Variants in CDH4 observed in about 807,000 individuals in gnomAD.
The protein encoded by CDH4 is cadherin 4, also known as cadherin-4.
In CDH4, 33 loss-of-function variants were observed where a neutral mutation model predicts 86.0. That is an observed-to-expected ratio of 0.38 (90% confidence interval 0.29 to 0.51). CDH4 has a LOEUF of 0.51. Among genes scored for constraint, CDH4 ranks in the 20% least tolerant of loss-of-function variants. CDH4 has a pLI of 0.86. For synonymous variants in CDH4, 555 were observed against 549.4 expected (o/e 1.01, Z -0.14); for missense variants, 1,114 against 1,307.4 (o/e 0.85, Z 2.28).
chr20:61,507,519 C>G (rs1373820587), intron 2 of CDH4, among the ~76,000 whole-genome samples: 1 of 152,120 alleles, frequency 6.6e-6, no homozygotes, highest in African/African-American at 2.4e-5. Context: ...ACCCACAGTA[C>G]AGGTGGAGTT....
intron 7 of CDH4, among the ~76,000 whole-genome samples, chr20:61,893,760 G>A (rs1257563427): frequency 7.9e-6 from 1 of 126,736 alleles, no homozygotes; most frequent in African/African-American, 3.0e-5. Flanking sequence ...TGGATGGATG[G>A]GTGAATAGAG....
At chr20:61,814,254 G>A (rs562364706) in intron 4 of CDH4, among the ~76,000 whole-genome samples, 137 of 152,316 alleles carry the variant, frequency 9.0e-4, no homozygotes, top group Non-Finnish European at 1.2e-3. Context: ...ACCTCACGCT[G>A]TGACCCTCCC....
chr20:61,316,367 G>A (rs1174610012), intron 2 of CDH4, among the ~76,000 whole-genome samples: 2 of 152,230 alleles, frequency 1.3e-5, no homozygotes, highest in African/African-American at 2.4e-5. Context: ...GACCTAAGTC[G>A]ATAAGTTGAA....
intron 2 of CDH4, among the ~76,000 whole-genome samples, chr20:61,416,187 A>G (rs998837660): frequency 6.6e-6 from 1 of 151,774 alleles, no homozygotes; most frequent in African/African-American, 2.4e-5. Flanking sequence ...TCTTTAGTAG[A>G]GACAGGGTTT....
chr20:61,269,253 A>T lies in CDH4; in HGVS notation c.169+14316A>T, dbSNP rs533450466. On this transcript the variant is annotated intron_variant, in intron 2 of 15. Transcript: ENST00000614565. This position sits in a 1 kb window ranked among gnomAD's most constrained non-coding sequence, Gnocchi z 5.3. ...TGACATAGGACAGTTTGGCACTGCCACTACCTTAGTGGCCCTGGAGGAGCC... is the reference window on the plus strand; with the variant it reads ...TGACATAGGACAGTTTGGCACTGCCTCTACCTTAGTGGCCCTGGAGGAGCC... Among the ~76,000 whole-genome samples, 3 of 152,270 alleles carry T rather than the reference A, an allele frequency of 2.0e-5. No homozygotes were observed. In the South Asian group the frequency reaches 6.2e-4, roughly 32 times the overall value.
chr20:61,518,167 G>C lies in CDH4; in HGVS notation c.170-225396G>C, dbSNP rs73917933. ...TCACTCACTGTGTCTGGGACACTAG[G>C]TGGGTGTTTATTCTGCCATCATCCC... On this transcript the variant is annotated intron_variant, in intron 2 of 15. Coordinates refer to ENST00000614565, the MANE Select transcript of CDH4 (RefSeq NM_001794.5). This position sits in a 1 kb window ranked among gnomAD's most constrained non-coding sequence, Gnocchi z 6.3. Among the ~76,000 whole-genome samples the C allele has an allele frequency of 0.025, 3,796 of 152,288 alleles. 158 individuals carry two copies. Among genetic ancestry groups the C allele is most frequent in the African/African-American group, 0.083 (3,454 of 41,544 alleles).
At chr20:61,799,832 C>T (rs977557075) in intron 4 of CDH4, among the ~76,000 whole-genome samples, 3 of 152,174 alleles carry the variant, frequency 2.0e-5, no homozygotes, top group Non-Finnish European at 2.9e-5. Context: ...CCCAAAAGGC[C>T]AGTCACATGG....
chr20:61,371,653 C>G (rs955310317), intron 2 of CDH4, among the ~76,000 whole-genome samples: 3 of 152,214 alleles, frequency 2.0e-5, no homozygotes, highest in African/African-American at 7.2e-5. Flanking sequence ...CTACCAAGGC[C>G]TGTGTGTGTT....
chr20:61,305,477 C>T (rs989552760), intron 2 of CDH4, among the ~76,000 whole-genome samples: 5 of 152,220 alleles, frequency 3.3e-5, no homozygotes, highest in African/African-American at 4.8e-5. Context: ...GTGTGGGGAC[C>T]ACACTTTTGC....
chr20:61,275,977 C>T (rs959979375), intron 2 of CDH4, among the ~76,000 whole-genome samples: 1 of 152,086 alleles, frequency 6.6e-6, no homozygotes, highest in African/African-American at 2.4e-5. Context: ...TAAGGCTGGC[C>T]GCCTGGCACA....
chr20:61,736,421 C>T (rs1007525454), intron 2 of CDH4, among the ~76,000 whole-genome samples: 2 of 152,198 alleles, frequency 1.3e-5, no homozygotes, highest in Non-Finnish European at 2.9e-5. Flanking sequence ...CCTGTCCACC[C>T]AGCCTGGGTC....
At chr20:61,594,168 G>C (rs1446292080) in intron 2 of CDH4, among the ~76,000 whole-genome samples, 4 of 104,300 alleles carry the variant, frequency 3.8e-5, no homozygotes, top group African/African-American at 1.5e-4. Context: ...GGGGAAAGAG[G>C]GGGGAAAGGG....
chr20:61,789,705 T>G (rs1246554215), intron 4 of CDH4, among the ~76,000 whole-genome samples: 1 of 152,236 alleles, frequency 6.6e-6, no homozygotes, highest in Admixed American at 6.5e-5. Flanking sequence ...CAAACCGACA[T>G]GCAGGCCCAG....
intron 2 of CDH4, among the ~76,000 whole-genome samples, chr20:61,479,143 G>A (rs939275064): frequency 2.6e-5 from 4 of 151,586 alleles, no homozygotes; most frequent in South Asian, 2.1e-4. Flanking sequence ...TCCTGGCTGC[G>A]TTTAAGATTT....
chr20:61,579,244 C>T (rs2086406953), intron 2 of CDH4, among the ~76,000 whole-genome samples: 1 of 151,794 alleles, frequency 6.6e-6, no homozygotes, highest in Non-Finnish European at 1.5e-5. Context: ...AGCAGCCAGC[C>T]AGGCAGTCGG....
At chr20:61,669,564 G>C (rs2087364085) in intron 2 of CDH4, among the ~76,000 whole-genome samples, 1 of 152,196 alleles carries the variant, frequency 6.6e-6, no homozygotes, top group Non-Finnish European at 1.5e-5. Flanking sequence ...GTAAAGAATG[G>C]AAGGAAAACT....
chr20:61,424,391 TC>T (rs368393401), intron 2 of CDH4, among the ~76,000 whole-genome samples: 3 of 151,282 alleles, frequency 2.0e-5, no homozygotes, highest in African/African-American at 7.3e-5. Flanking sequence ...CACACACATA[TC>T]CACACACAGC....
intron 2 of CDH4, among the ~76,000 whole-genome samples, chr20:61,739,459 C>T (rs755457872): frequency 1.3e-5 from 2 of 152,138 alleles, no homozygotes; most frequent in South Asian, 2.1e-4. Context: ...ATCCCAGGTA[C>T]GAAGCCAGGG....
chr20:61,523,494 C>T (rs1181472443), intron 2 of CDH4, among the ~76,000 whole-genome samples: 1 of 152,242 alleles, frequency 6.6e-6, no homozygotes, highest in Non-Finnish European at 1.5e-5. Context: ...CAAAACCTTC[C>T]ATGGAGGCCT....
Sources: allele counts gnomAD v4.1 joint callset (sites outside exome capture counted in the v4.1 genomes callset), GRCh38; gene constraint gnomAD v4.1.1; non-coding constraint Gnocchi (gnomAD v3.1); transcripts MANE v1.5; gene names NCBI Gene and HGNC (gene_info 2026-07-23, HGNC 2026-07-21).